SERPINI1: variants seen among roughly 807,000 people sequenced by gnomAD.
The protein encoded by SERPINI1 is neuroserpin.
Under a neutral mutation model 41.1 loss-of-function variants are expected in SERPINI1, and 19 were observed. The observed-to-expected ratio is 0.46, with a 90% CI of 0.32 to 0.68. SERPINI1 has a LOEUF of 0.68. Ranked by LOEUF, SERPINI1 falls within the 30% of genes least tolerant of loss-of-function variation. The probability of loss-of-function intolerance (pLI) is 0.03; values close to 1 mark genes in which losing one functional copy is unlikely to be tolerated. For synonymous variants in SERPINI1, 138 were observed against 156.6 expected, an observed-to-expected ratio of 0.88 and a Z score of 0.89; for missense variants, 460 against 479.2, an observed-to-expected ratio of 0.96 and a Z score of 0.37.
In SERPINI1 at chr3:167,792,682, T is replaced by G. The variant is rs1159672990; in HGVS notation, c.574T>G (p.Ser192Ala). The G allele has an allele frequency of 5.0e-6, 8 of 1,613,864 alleles. No individual in the cohort carries two copies. The highest frequency in any genetic ancestry group is 6.8e-6 in the Non-Finnish European group (8 of 1,179,882). ...TGTCTATTTCAAGGGGAACTGGAAG[T>G]CGCAGTTTAGGCCTGAAAATACTAG... ...NAVYFKGNWK[S>A]QFRPENTRTF... The change falls in exon 4 of 9, where the codon TCG becomes GCG. Residue 192 changes from serine to alanine, a missense_variant. Ser to Ala is a moderately conservative substitution (Grantham distance 99, BLOSUM62 1). Transcript: ENST00000446050.
rs1225465030 is a variant in SERPINI1, at chr3:167,790,353, A to G, written c.251-19A>G. The G allele has an allele frequency of 2.0e-6, 3 of 1,526,104 alleles. No individual in the cohort carries two copies. Among genetic ancestry groups the G allele is most frequent in the Non-Finnish European group, 2.7e-6 (3 of 1,100,214 alleles). 94.5% of individuals were successfully genotyped at this position (1,526,104 alleles called of 1,614,324 possible). A position where few individuals can be genotyped will look rare whatever the true frequency, so the allele number is the denominator to read the frequency against. On this transcript the variant is annotated intron_variant, in intron 2 of 8. Coordinates refer to ENST00000446050, the MANE Select transcript of SERPINI1 (RefSeq NM_001122752.2). ...CCGTGTTTGTTCTACAAATAAACTTATCCTTTCTCATCTTTCAGGTGAAGA... is the reference window on the plus strand; with the variant it reads ...CCGTGTTTGTTCTACAAATAAACTTGTCCTTTCTCATCTTTCAGGTGAAGA...
chr3:167,808,896 C>T (rs1211518188), intron 6 of SERPINI1, among the ~76,000 whole-genome samples: 1 of 152,164 alleles, frequency 6.6e-6, no homozygotes, highest in Non-Finnish European at 1.5e-5. Flanking sequence ...AGCCTTTGTC[C>T]TCCCAGATTT....
intron 3 of SERPINI1, among the ~76,000 whole-genome samples, chr3:167,791,801 T>C (rs1727523468): frequency 6.6e-6 from 1 of 152,198 alleles, no homozygotes; most frequent in Non-Finnish European, 1.5e-5. Flanking sequence ...GAATTTGAAA[T>C]TGATAATTTA....
At chr3:167,809,236 A>G (rs1268295865) in intron 6 of SERPINI1, among the ~76,000 whole-genome samples, 2 of 152,182 alleles carry the variant, frequency 1.3e-5, no homozygotes, top group Non-Finnish European at 1.5e-5. Context: ...AGCTTAGCAT[A>G]ATTTAACATT....
intron 1 of SERPINI1, among the ~76,000 whole-genome samples, chr3:167,772,823 ACTCTCT>A (rs1172788769): frequency 0.05 from 1,182 of 23,700 alleles, 64 homozygotes; most frequent in African/African-American, 0.064. Flanking sequence ...GTATCTTGAG[ACTCTCT>A]CTCTCTCTCT....
chr3:167,825,568 G>T lies in SERPINI1; in HGVS notation c.*245G>T. On this transcript the variant is annotated 3_prime_UTR_variant, in exon 9 of 9. Transcript: ENST00000446050. Reference sequence around the variant, plus strand: ...AAATAAAAGTACCTATTGAACATGTGACTAGATCTATTTTTTTATTTTAGA... The same window carrying T: ...AAATAAAAGTACCTATTGAACATGTTACTAGATCTATTTTTTTATTTTAGA... 1 of 435,270 alleles carries T rather than the reference G, an allele frequency of 2.3e-6. No individual in the cohort carries two copies. Among genetic ancestry groups the T allele is most frequent in the East Asian group, 4.2e-5 (1 of 23,666 alleles). The allele number at this position is 435,270 out of a possible 1,614,324, so 27.0% of individuals were successfully genotyped here.
chr3:167,789,260 A>G lies in SERPINI1; in HGVS notation c.132A>G (p.Glu44=), dbSNP rs1560008693. 3.1e-6 allele frequency: 5 copies of G among 1,614,036 alleles called. No individual in the cohort carries two copies. The highest frequency in any genetic ancestry group is 1.1e-5 in the South Asian group (1 of 91,084). The change falls in exon 2 of 9, where the codon GAA becomes GAG. Residue 44 remains glutamate (E), a synonymous_variant. Coordinates refer to ENST00000446050, the MANE Select transcript of SERPINI1 (RefSeq NM_001122752.2). ...GTCTTAGAGCCACTGGTGAAGATGA[A>G]AATATTCTCTTCTCTCCATTGAGTA... ...YNRLRATGED[E]NILFSPLSIA... is the part of the protein sequence containing the mutation.
intron 1 of SERPINI1, among the ~76,000 whole-genome samples, chr3:167,772,903 C>T (rs1377838389): frequency 0.021 from 1,461 of 71,056 alleles, 61 homozygotes; most frequent in African/African-American, 0.12. Flanking sequence ...TACACACACA[C>T]ACACACACAC....
chr3:167,751,759 G>A (rs961849953), intron 1 of SERPINI1, among the ~76,000 whole-genome samples: 1 of 151,726 alleles, frequency 6.6e-6, no homozygotes, highest in Non-Finnish European at 1.5e-5. Flanking sequence ...TTTCCAGTAC[G>A]GTATCTAGTA....
chr3:167,737,265 A>G lies in SERPINI1; in HGVS notation c.-19+1442A>G, dbSNP rs140587905. 5.3e-5 allele frequency among the ~76,000 whole-genome samples: 8 copies of G among 152,266 alleles called. No homozygotes were observed. The South Asian group carries it at 1.0e-3, about 20-fold the overall frequency. ...CCACACTCTCACATACCATAGAAAT[A>G]TATAGACAGATAGATCATAGAAAAA... On this transcript the variant is annotated intron_variant, in intron 1 of 8. Coordinates refer to ENST00000446050, the MANE Select transcript of SERPINI1 (RefSeq NM_001122752.2).
rs192352785 is a variant in SERPINI1, at chr3:167,818,274, C to T, written c.980-4712C>T. 2.6e-3 allele frequency among the ~76,000 whole-genome samples: 399 copies of T among 152,064 alleles called. 3 individuals carry two copies. The highest frequency in any genetic ancestry group is 9.4e-3 in the African/African-American group (390 of 41,486). Reference sequence around the variant, plus strand: ...AACTCCTGACCTCAGGTTATCTGCCCACCTTAGCCTCCCAAAGTGCTGGGA... The same window carrying T: ...AACTCCTGACCTCAGGTTATCTGCCTACCTTAGCCTCCCAAAGTGCTGGGA... On this transcript the variant is annotated intron_variant, in intron 6 of 8. Transcript: ENST00000446050.
chr3:167,735,974 T>A (rs995992429), intron 1 of SERPINI1, 151 bp downstream of exon 1: 38 of 152,176 alleles, frequency 2.5e-4, no homozygotes, highest in African/African-American at 8.9e-4. Context: ...TTTTTCGACT[T>A]TAAGGGCAAA....
chr3:167,744,183 A>G (rs1725767952), intron 1 of SERPINI1, among the ~76,000 whole-genome samples: 1 of 152,100 alleles, frequency 6.6e-6, no homozygotes, highest in African/African-American at 2.4e-5. Flanking sequence ...GATATTCAGT[A>G]TGTTACTTAA....
chr3:167,787,365 G>A (rs570348451), intron 1 of SERPINI1, among the ~76,000 whole-genome samples: 1 of 152,324 alleles, frequency 6.6e-6, no homozygotes, highest in East Asian at 1.9e-4. Flanking sequence ...ATTGTGTATT[G>A]TATGTAATTG....
chr3:167,807,173 C>T, intron 5 of SERPINI1, 71 bp from the exon 6 acceptor site: 1 of 1,046,080 alleles, frequency 9.6e-7, no homozygotes. Context: ...ATCCACATAT[C>T]TAACACTTTG....
chr3:167,767,063 C>G (rs1488757671), intron 1 of SERPINI1, among the ~76,000 whole-genome samples: 1 of 152,230 alleles, frequency 6.6e-6, no homozygotes, highest in Admixed American at 6.5e-5. Flanking sequence ...CCATCTAGGA[C>G]TTTCATAGCT....
intron 1 of SERPINI1, among the ~76,000 whole-genome samples, chr3:167,786,347 A>G (rs1458124723): frequency 6.6e-6 from 1 of 151,872 alleles, no homozygotes; most frequent in Non-Finnish European, 1.5e-5. Context: ...TACTAAAAAT[A>G]CAAAAAAAAA....
chr3:167,750,154 C>T (rs962929143), intron 1 of SERPINI1, among the ~76,000 whole-genome samples: 3 of 152,126 alleles, frequency 2.0e-5, no homozygotes, highest in South Asian at 2.1e-4. Flanking sequence ...AAACACCCAG[C>T]CGGGATGACT....
chr3:167,762,807 T>A (rs182776365), intron 1 of SERPINI1, among the ~76,000 whole-genome samples: 152 of 152,296 alleles, frequency 1.0e-3, no homozygotes, highest in Admixed American at 2.2e-3. Flanking sequence ...ATTCTAATAT[T>A]CTACATGACT....
Sources: allele counts gnomAD v4.1 joint callset (sites outside exome capture counted in the v4.1 genomes callset), GRCh38; gene constraint gnomAD v4.1.1; transcripts MANE v1.5; gene names NCBI Gene and HGNC (gene_info 2026-07-23, HGNC 2026-07-21).